CEP112: variants seen among roughly 807,000 people sequenced by gnomAD.
The protein encoded by CEP112 is centrosomal protein 112, also known as centrosomal protein of 112 kDa.
In CEP112, 127 loss-of-function variants were observed where a neutral mutation model predicts 153.0. That is an observed-to-expected ratio of 0.83 (90% confidence interval 0.72 to 0.96). The LOEUF is 0.96. Among genes scored for constraint, CEP112 ranks in the 40% least tolerant of loss-of-function variants. CEP112 has a pLI of 0.00. For synonymous variants in CEP112, 358 were observed against 374.4 expected, an observed-to-expected ratio of 0.96 and a Z score of 0.51; for missense variants, 1,089 against 1,101.2, an observed-to-expected ratio of 0.99 and a Z score of 0.16.
chr17:66,093,841 A>G (rs548890068), intron 8 of CEP112, among the ~76,000 whole-genome samples: 7 of 152,124 alleles, frequency 4.6e-5, no homozygotes, highest in Admixed American at 4.6e-4. Flanking sequence ...AATTTATATG[A>G]AACTAAAAAG....
chr17:65,823,046 G>T (rs932719501), intron 21 of CEP112, among the ~76,000 whole-genome samples: 1 of 151,986 alleles, frequency 6.6e-6, no homozygotes, highest in African/African-American at 2.4e-5. Flanking sequence ...GCTGATGAAA[G>T]AAATTAAAGA....
chr17:65,725,133 G>A (rs561322734), intron 23 of CEP112, among the ~76,000 whole-genome samples: 40 of 152,174 alleles, frequency 2.6e-4, no homozygotes, highest in Non-Finnish European at 5.0e-4. Flanking sequence ...TCTTAAAAGA[G>A]GAGTTTGTTA....
intron 12 of CEP112, among the ~76,000 whole-genome samples, chr17:66,043,387 C>T (rs938639526): frequency 1.3e-5 from 2 of 152,030 alleles, no homozygotes; most frequent in Non-Finnish European, 2.9e-5. Flanking sequence ...AATTTAGAAG[C>T]ATATGTATTA....
rs138819114 is a variant in CEP112 at position 65,642,569 on chromosome 17, G to T, written c.2698-1504C>A. 6.7e-4 allele frequency among the ~76,000 whole-genome samples: 102 copies of T among 152,228 alleles called. 1 individual carries two copies. The Middle Eastern group carries it at 0.014, about 20-fold the overall frequency. Reference sequence around the variant, plus strand: ...GTGACTTATACCTAAAGGAAAAAAAGAAATAATAAAACATGATCTCTCCCA... The same window carrying T: ...GTGACTTATACCTAAAGGAAAAAAATAAATAATAAAACATGATCTCTCCCA... On this transcript the variant is annotated intron_variant, in intron 24 of 26. Transcript: ENST00000535342.
chr17:66,095,836 T>C (rs2068320587), intron 8 of CEP112, among the ~76,000 whole-genome samples: 1 of 151,986 alleles, frequency 6.6e-6, no homozygotes, highest in Non-Finnish European at 1.5e-5. Flanking sequence ...CTTTGAGAAG[T>C]CAAGGTAGGA....
intron 21 of CEP112, among the ~76,000 whole-genome samples, chr17:65,809,447 G>A (rs542166523): frequency 6.6e-6 from 1 of 152,270 alleles, no homozygotes; most frequent in Non-Finnish European, 1.5e-5. Flanking sequence ...AGACCAGGTG[G>A]GAGTTACTGC....
At chr17:65,717,353 A>G (rs1809900847) in intron 23 of CEP112, among the ~76,000 whole-genome samples, 1 of 152,182 alleles carries the variant, frequency 6.6e-6, no homozygotes, top group South Asian at 2.1e-4. Context: ...CACAAACACA[A>G]AAACAAGTCA....
chr17:66,132,284 T>G (rs2070220290), intron 5 of CEP112, among the ~76,000 whole-genome samples: 1 of 150,812 alleles, frequency 6.6e-6, no homozygotes, highest in African/African-American at 2.4e-5. Context: ...CATTCTTATT[T>G]CAAAATATAC....
chr17:65,891,903 G>C (rs1270045749), intron 20 of CEP112, among the ~76,000 whole-genome samples: 1 of 152,166 alleles, frequency 6.6e-6, no homozygotes, highest in Non-Finnish European at 1.5e-5. Context: ...TCTTTTCTTT[G>C]GAGAGGCGTT....
intron 12 of CEP112, among the ~76,000 whole-genome samples, chr17:66,044,721 T>G (rs1409882871): frequency 6.6e-6 from 1 of 152,210 alleles, no homozygotes; most frequent in Non-Finnish European, 1.5e-5. Flanking sequence ...GGAGAATTAT[T>G]GTTTACTGGG....
intron 4 of CEP112, among the ~76,000 whole-genome samples, chr17:66,135,977 T>G (rs111558678): frequency 5.3e-5 from 8 of 152,198 alleles, no homozygotes; most frequent in African/African-American, 1.9e-4. Context: ...AATGGACACA[T>G]AAATTCAACA....
intron 21 of CEP112, among the ~76,000 whole-genome samples, chr17:65,770,643 A>AT (rs754378032): frequency 2.0e-5 from 3 of 152,110 alleles, no homozygotes; most frequent in Admixed American, 6.6e-5. Flanking sequence ...ATTTAAAGCA[A>AT]TAATAACAAA....
intron 8 of CEP112, among the ~76,000 whole-genome samples, chr17:66,084,631 G>C (rs2067846199): frequency 6.6e-6 from 1 of 152,158 alleles, no homozygotes; most frequent in Non-Finnish European, 1.5e-5. Flanking sequence ...AACTCATGGA[G>C]ATAGAGAGTA....
intron 21 of CEP112, among the ~76,000 whole-genome samples, chr17:65,766,401 T>A: frequency 6.9e-6 from 1 of 145,656 alleles, no homozygotes; most frequent in Non-Finnish European, 1.5e-5. Context: ...CACAAAAAAA[T>A]AAAGAAAAAA....
intron 21 of CEP112, among the ~76,000 whole-genome samples, chr17:65,763,140 C>T (rs1051089067): frequency 4.6e-5 from 7 of 152,036 alleles, no homozygotes; most frequent in African/African-American, 1.2e-4. Context: ...TCTCTCTTCA[C>T]GCTTGCATGA....
At chr17:66,012,622 T>C (rs1416663679) in intron 16 of CEP112, among the ~76,000 whole-genome samples, 1 of 152,220 alleles carries the variant, frequency 6.6e-6, no homozygotes, top group African/African-American at 2.4e-5. Context: ...GGCTTCACTT[T>C]GTAGGTGACG....
intron 16 of CEP112, among the ~76,000 whole-genome samples, chr17:66,013,465 G>A (rs993456927): frequency 2.6e-5 from 4 of 152,064 alleles, no homozygotes; most frequent in Non-Finnish European, 4.4e-5. Flanking sequence ...GGGGTCCATC[G>A]ACTGGCTTCA....
chr17:65,960,188 G>A (rs1312390696), intron 18 of CEP112, among the ~76,000 whole-genome samples: 1 of 152,088 alleles, frequency 6.6e-6, no homozygotes, highest in Admixed American at 6.5e-5. Context: ...ATATGCTTGA[G>A]TAGGGGAGCT....
At chr17:66,185,825 C>T (rs1247252983) in intron 1 of CEP112, among the ~76,000 whole-genome samples, 1 of 152,168 alleles carries the variant, frequency 6.6e-6, no homozygotes, top group Non-Finnish European at 1.5e-5. Flanking sequence ...TATCTTGCTC[C>T]ACAAACTGCC....
Sources: allele counts gnomAD v4.1 joint callset (sites outside exome capture counted in the v4.1 genomes callset), GRCh38; gene constraint gnomAD v4.1.1; transcripts MANE v1.5; gene names NCBI Gene and HGNC (gene_info 2026-07-23, HGNC 2026-07-21).